Variants in PRPF18 observed in about 807,000 individuals in gnomAD.
PRPF18 encodes pre-mRNA-splicing factor 18.
Under a neutral mutation model 46.5 loss-of-function variants are expected in PRPF18, and 38 were observed. The observed-to-expected ratio is 0.82, with a 90% CI of 0.63 to 1.07. The LOEUF (loss-of-function observed/expected upper bound fraction) is 1.07, where lower values mean the gene tolerates loss of function less well. Ranked by LOEUF, PRPF18 falls within the 50% of genes least tolerant of loss-of-function variation. The probability of loss-of-function intolerance (pLI) is 0.00; values close to 1 mark genes in which losing one functional copy is unlikely to be tolerated. For missense variants in PRPF18, 263 were observed against 410.0 expected, an observed-to-expected ratio of 0.64 and a Z score of 3.10; for synonymous variants, 152 against 146.7, an observed-to-expected ratio of 1.04 and a Z score of -0.26.
At chr10:13,628,649 TTG>T (rs751885134) in intron 9 of PRPF18, among the ~76,000 whole-genome samples, 2 of 152,198 alleles carry the variant, frequency 1.3e-5, no homozygotes, top group Non-Finnish European at 2.9e-5. Flanking sequence ...TGATTAATAT[TTG>T]TGTTGTCTGC....
chr10:13,635,241 C>T (rs2134153770), downstream of PRPF18, among the ~76,000 whole-genome samples: 1 of 152,184 alleles, frequency 6.6e-6, no homozygotes, highest in East Asian at 1.9e-4. Flanking sequence ...CTTTGTATGG[C>T]TGTGTGGTAT....
chr10:13,597,639 C>A, intron 2 of PRPF18, 104 bp downstream of exon 2: 1 of 1,603,102 alleles, frequency 6.2e-7, no homozygotes, highest in African/African-American at 1.3e-5. Context: ...TATCAATATA[C>A]GTTAGCCTAT....
At chr10:13,626,264 A>G (rs1449472059) in intron 9 of PRPF18, among the ~76,000 whole-genome samples, 1 of 152,170 alleles carries the variant, frequency 6.6e-6, no homozygotes, top group East Asian at 1.9e-4. Context: ...GTTAGAGTAG[A>G]TGGTTGAAGG....
At chr10:13,654,213 C>A in the PRPF18 span, 1 of 603,530 alleles carries the variant, frequency 1.7e-6, no homozygotes, top group Non-Finnish European at 3.0e-6. Context: ...AGAACACAGA[C>A]AATTCACCTC....
intron 8 of PRPF18, among the ~76,000 whole-genome samples, chr10:13,614,358 T>G (rs2080310491): frequency 6.6e-6 from 1 of 152,188 alleles, no homozygotes; most frequent in African/African-American, 2.4e-5. Context: ...AGCATGAACT[T>G]TATATAGGCA....
chr10:13,651,665 T>G, the PRPF18 span: 1 of 517,724 alleles, frequency 1.9e-6, no homozygotes, highest in African/African-American at 1.9e-5. Context: ...AGAACAAGAC[T>G]CTGTCTCAAA....
At chr10:13,641,028 G>A in the PRPF18 span, 1 of 152,170 alleles carries the variant, frequency 6.6e-6, no homozygotes, top group Non-Finnish European at 1.5e-5. Flanking sequence ...AAATCTACCA[G>A]CATCTTGTCT....
At chr10:13,651,971 T>G in the PRPF18 span, 3 of 1,572,086 alleles carry the variant, frequency 1.9e-6, no homozygotes, top group Non-Finnish European at 2.6e-6. Flanking sequence ...TTTCTGTTGC[T>G]TCTCTGAACA....
At chr10:13,589,143 C>G (rs1047507398) in intron 1 of PRPF18, among the ~76,000 whole-genome samples, 10 of 152,190 alleles carry the variant, frequency 6.6e-5, no homozygotes, top group African/African-American at 2.4e-4. Context: ...CACTTAATTT[C>G]CACTTGGAAG....
chr10:13,636,527 C>G, the PRPF18 span, among the ~76,000 whole-genome samples: 1 of 151,894 alleles, frequency 6.6e-6, no homozygotes, highest in African/African-American at 2.4e-5. Flanking sequence ...GTGGCTTGGC[C>G]CTTTGAAAAT....
rs115291446 is a variant in PRPF18 at position 13,603,798 on chromosome 10, G to A, written c.250-1833G>A. Among the ~76,000 whole-genome samples the A allele has an allele frequency of 6.0e-3, 907 of 152,206 alleles. 5 individuals are homozygous for A. The highest frequency in any genetic ancestry group is 0.02 in the African/African-American group (815 of 41,538). ...TTCTACATTACCACATGTTTATGAC[G>A]GACATTGCATAAAAGGAAATTTTCA... On this transcript the variant is annotated intron_variant, in intron 3 of 9. Coordinates refer to ENST00000378572, the MANE Select transcript of PRPF18 (RefSeq NM_003675.4).
At chr10:13,587,753 G>C (rs1315158094) in intron 1 of PRPF18, among the ~76,000 whole-genome samples, 4 of 152,216 alleles carry the variant, frequency 2.6e-5, no homozygotes, top group Non-Finnish European at 4.4e-5. Context: ...CCGCTTGCTC[G>C]GGCCCACTCA....
intron 1 of PRPF18, among the ~76,000 whole-genome samples, chr10:13,588,338 CG>C (rs2079906747): frequency 1.3e-5 from 2 of 151,078 alleles, no homozygotes; most frequent in Admixed American, 1.3e-4. Flanking sequence ...ACCCGGGAGG[CG>C]GAGGTTGCCG....
chr10:13,588,924 T>A (rs2079917177), intron 1 of PRPF18, among the ~76,000 whole-genome samples: 1 of 152,204 alleles, frequency 6.6e-6, no homozygotes, highest in South Asian at 2.1e-4. Context: ...ATTTACCATA[T>A]TAGAAGTTAA....
the PRPF18 span, among the ~76,000 whole-genome samples, chr10:13,636,625 G>T: frequency 6.6e-6 from 1 of 152,062 alleles, no homozygotes; most frequent in African/African-American, 2.4e-5. Context: ...AAAATTACTA[G>T]AGTATCACAT....
chr10:13,647,689 G>T, the PRPF18 span: 2 of 148,286 alleles, frequency 1.3e-5, no homozygotes, highest in African/African-American at 2.5e-5. Context: ...TTATAAAAGT[G>T]TGTTCATTTA....
At chr10:13,611,724 T>C (rs961412425) in intron 6 of PRPF18, 41 bp downstream of exon 6, 35 of 1,547,760 alleles carry the variant, frequency 2.3e-5, no homozygotes, top group Non-Finnish European at 2.8e-5. Context: ...CCTTGGATCC[T>C]TATGAACTAT....
intron 1 of PRPF18, chr10:13,591,601 C>A: frequency 1.5e-6 from 1 of 661,336 alleles, no homozygotes; most frequent in Non-Finnish European, 2.8e-6. Flanking sequence ...GCTCTGTAAT[C>A]TTGTATTTAT....
intron 8 of PRPF18, 91 bp downstream of exon 8, chr10:13,614,177 A>T: frequency 1.0e-6 from 1 of 995,670 alleles, no homozygotes; most frequent in Non-Finnish European, 1.4e-6. Context: ...AGGATTTTAC[A>T]TAGTAGATTT....
Sources: allele counts gnomAD v4.1 joint callset (sites outside exome capture counted in the v4.1 genomes callset), GRCh38; gene constraint gnomAD v4.1.1; transcripts MANE v1.5; gene names NCBI Gene and HGNC (gene_info 2026-07-23, HGNC 2026-07-21).